The following SPATA22 variants were observed in gnomAD, a reference collection of about 807,000 sequenced individuals.
The protein encoded by SPATA22 is spermatogenesis associated 22.
SPATA22 carries 29 observed loss-of-function variants against 47.8 expected under a neutral mutation model. The ratio of observed to expected loss-of-function variants is 0.61; its 90% confidence interval spans 0.45 to 0.83. The LOEUF (loss-of-function observed/expected upper bound fraction) is 0.83, where lower values mean the gene tolerates loss of function less well. Ranked by LOEUF, SPATA22 falls within the 40% of genes least tolerant of loss-of-function variation. The probability of loss-of-function intolerance (pLI) is 0.00; values close to 1 mark genes in which losing one functional copy is unlikely to be tolerated. For missense variants in SPATA22, 410 were observed against 421.7 expected, an observed-to-expected ratio of 0.97 and a Z score of 0.24; for synonymous variants, 133 against 140.9, an observed-to-expected ratio of 0.94 and a Z score of 0.40.
chr17:3,487,046 GTGTGTGTGTGTTTA>G (rs1597436631), intron 1 of SPATA22, among the ~76,000 whole-genome samples: 1 of 147,060 alleles, frequency 6.8e-6, no homozygotes, highest in African/African-American at 2.5e-5. Flanking sequence ...ATATTTGTGT[GTGTGTGTGTGTTTA>G]TGTGTGTGTG....
chr17:3,513,855 A>G (rs562204969), upstream of SPATA22: 16 of 1,409,436 alleles, frequency 1.1e-5, no homozygotes, highest in Non-Finnish European at 1.6e-5. Flanking sequence ...CTCTGCACAG[A>G]GTCGGTGACT....
intron 3 of SPATA22, among the ~76,000 whole-genome samples, chr17:3,464,125 C>T (rs1034855760): frequency 7.2e-5 from 11 of 152,028 alleles, no homozygotes; most frequent in African/African-American, 2.2e-4. Context: ...CGATTGCAGG[C>T]GCGCGCCGCC....
intron 5 of SPATA22, among the ~76,000 whole-genome samples, chr17:3,458,645 C>A (rs1293044093): frequency 6.6e-6 from 1 of 151,800 alleles, no homozygotes; most frequent in African/African-American, 2.4e-5. Flanking sequence ...GAGTTGGAGA[C>A]CAGCCTGGCC....
rs2150723451 is a variant in SPATA22, at chr17:3,462,907, T to C, written c.173-140A>G. Reference sequence around the variant, plus strand: ...ATATATGGATTTCTTCAACAGTACTTGTTGGAAAACCTGTCACAGCCTGCT... The same window carrying C: ...ATATATGGATTTCTTCAACAGTACTCGTTGGAAAACCTGTCACAGCCTGCT... On this transcript the variant is annotated intron_variant, in intron 3 of 8. Coordinates refer to ENST00000572969, the MANE Select transcript of SPATA22 (RefSeq NM_001170698.2). 1.4e-5 allele frequency: 9 copies of C among 664,248 alleles called. No homozygotes were observed. In the East Asian group the frequency reaches 2.5e-4, roughly 18 times the overall value. The allele number at this position is 664,248 out of a possible 1,614,324, so 41.1% of individuals were successfully genotyped here.
chr17:3,512,413 C>A (rs1413748462), intron 1 of SPATA22: 1 of 152,190 alleles, frequency 6.6e-6, no homozygotes, highest in Non-Finnish European at 1.5e-5. Context: ...ACAGAGTGGC[C>A]CAGGGCAGAG....
At chr17:3,454,799 C>A (rs148928609) in intron 5 of SPATA22, among the ~76,000 whole-genome samples, 35,260 of 151,558 alleles carry the variant, frequency 0.23, 4,366 homozygotes, top group East Asian at 0.42. Flanking sequence ...ATTTATAGTC[C>A]TTTGGGTATA....
At chr17:3,446,369 G>C (rs2072726145) in intron 7 of SPATA22, 103 bp downstream of exon 7, 2 of 1,174,400 alleles carry the variant, frequency 1.7e-6, no homozygotes, top group Non-Finnish European at 2.4e-6. Context: ...TTAGGGAGTA[G>C]CAAAAAGCAG....
chr17:3,467,831 C>G (rs1391245414), intron 2 of SPATA22, among the ~76,000 whole-genome samples: 1 of 152,114 alleles, frequency 6.6e-6, no homozygotes, highest in Non-Finnish European at 1.5e-5. Context: ...CCCAACCTTT[C>G]CAAATCCACT....
chr17:3,492,008 C>T (rs1248439469), intron 1 of SPATA22, among the ~76,000 whole-genome samples: 1 of 150,184 alleles, frequency 6.7e-6, no homozygotes, highest in Non-Finnish European at 1.5e-5. Context: ...TCCTGAGTTG[C>T]TGGGACTACA....
rs1387149458 is a variant in SPATA22, at chr17:3,490,575, C to CT, written c.-73-21178dup. 3.3e-5 allele frequency among the ~76,000 whole-genome samples: 5 copies of CT among 152,152 alleles called. No individual in the cohort carries two copies. The highest frequency in any genetic ancestry group is 2.0e-4 in the Admixed American group (3 of 15,280). ...TGCAATCACAGACATTCGTTTTGTG[C>CT]TTGGGAATCCTTTGACTCCAAAATC... is the stretch of plus-strand genomic sequence containing the variant. On this transcript the variant is annotated intron_variant, in intron 1 of 8. Coordinates refer to the SPATA22 transcript ENST00000541913. The surrounding 1 kb of genome is among the most constrained non-coding windows in gnomAD (Gnocchi z 4.6).
intron 3 of SPATA22, among the ~76,000 whole-genome samples, chr17:3,463,792 T>C (rs927768505): frequency 6.6e-6 from 1 of 152,260 alleles, no homozygotes; most frequent in Non-Finnish European, 1.5e-5. Flanking sequence ...AACATGGTTA[T>C]GCAGTGCATG....
rs79399422 is a variant in SPATA22 at position 3,452,938 on chromosome 17, T to A, written c.330-3789A>T. On this transcript the variant is annotated intron_variant, in intron 5 of 8. Coordinates refer to ENST00000572969, the MANE Select transcript of SPATA22 (RefSeq NM_001170698.2). ...CAGGACCAGATGACTTCACAGTGAA[T>A]TCTATCAAACATTCAAAGACAAATT... 3.0e-3 allele frequency among the ~76,000 whole-genome samples: 451 copies of A among 152,296 alleles called. 2 individuals carry two copies. The highest frequency in any genetic ancestry group is 0.01 in the African/African-American group (431 of 41,564).
intron 1 of SPATA22, among the ~76,000 whole-genome samples, chr17:3,477,751 G>C (rs1238158432): frequency 6.6e-6 from 1 of 152,118 alleles, no homozygotes; most frequent in Admixed American, 6.5e-5. Flanking sequence ...ACCGCGCTGG[G>C]CCGCTTTTTT....
Position 3,469,410 on chromosome 17 carries a change from G to A in SPATA22, c.-73-12C>T. On this transcript the variant is annotated splice_polypyrimidine_tract_variant and intron_variant, in intron 1 of 8. Coordinates refer to ENST00000572969, the MANE Select transcript of SPATA22 (RefSeq NM_001170698.2). ...TTGTCCCACTAGACCTGCAAAGAAA[G>A]AAACTTATAACTCGTATTGTCTCAA... is the stretch of plus-strand genomic sequence containing the variant. 9.7e-7 allele frequency: 1 copy of A among 1,029,580 alleles called. No homozygotes were observed. Among genetic ancestry groups the A allele is most frequent in the South Asian group, 1.5e-5 (1 of 65,640 alleles). The allele number at this position is 1,029,580 out of a possible 1,614,324, so 63.8% of individuals were successfully genotyped here.
intron 6 of SPATA22, among the ~76,000 whole-genome samples, chr17:3,448,378 G>A (rs901653621): frequency 4.6e-5 from 7 of 152,190 alleles, no homozygotes; most frequent in African/African-American, 1.2e-4. Context: ...TGGCAGAGTT[G>A]AGTAGTATTG....
chr17:3,489,104 A>G (rs2073776148), intron 1 of SPATA22: 2 of 618,466 alleles, frequency 3.2e-6, no homozygotes, highest in African/African-American at 1.9e-5. Flanking sequence ...AATATTTTCC[A>G]TGATGCTACA....
intron 5 of SPATA22, among the ~76,000 whole-genome samples, chr17:3,455,208 T>G (rs2072959538): frequency 6.6e-6 from 1 of 152,170 alleles, no homozygotes; most frequent in South Asian, 2.1e-4. Flanking sequence ...CTTTGTCAGA[T>G]GAGCAGGTTG....
At chr17:3,484,159 T>C (rs1597433109) in intron 1 of SPATA22, among the ~76,000 whole-genome samples, 2 of 152,140 alleles carry the variant, frequency 1.3e-5, no homozygotes, top group Non-Finnish European at 2.9e-5. Context: ...ATTCTTCTCA[T>C]TCTCAAGATT....
intron 5 of SPATA22, among the ~76,000 whole-genome samples, chr17:3,452,776 A>G (rs1171701732): frequency 6.6e-6 from 1 of 152,168 alleles, no homozygotes; most frequent in African/African-American, 2.4e-5. Context: ...AACAAATTGG[A>G]TAACACAGAA....
Sources: gnomAD v4.1 joint callset for allele counts (sites outside exome capture counted in the v4.1 genomes callset) on GRCh38, gnomAD v4.1.1 for gene constraint, Gnocchi (gnomAD v3.1) non-coding constraint, MANE v1.5 for transcripts, NCBI Gene and HGNC (gene_info 2026-07-23, HGNC 2026-07-21) for gene names.